Variants in HERC3 observed in about 807,000 individuals in gnomAD.
The protein encoded by HERC3 is HECT and RLD domain containing E3 ubiquitin protein ligase 3, also known as probable E3 ubiquitin-protein ligase HERC3.
In HERC3, 58 loss-of-function variants were observed where a neutral mutation model predicts 129.9. That is an observed-to-expected ratio of 0.45 (90% CI 0.36 to 0.56). HERC3 has a LOEUF of 0.56. Ranked by LOEUF, HERC3 falls within the 20% of genes least tolerant of loss-of-function variation. The pLI is 0.00. For synonymous variants in HERC3, 430 were observed against 451.0 expected (o/e 0.95, Z 0.59); for missense variants, 835 against 1,244.2 (o/e 0.67, Z 4.95).
At chr4:88,624,973 T>G (rs1725933699) in intron 3 of HERC3, among the ~76,000 whole-genome samples, 1 of 152,196 alleles carries the variant, frequency 6.6e-6, no homozygotes, top group Non-Finnish European at 1.5e-5. Context: ...CCCTGCTCCC[T>G]TGCATTATCC....
chr4:88,555,373 A>C, the HERC3 span, among the ~76,000 whole-genome samples: 1 of 152,204 alleles, frequency 6.6e-6, no homozygotes, highest in Non-Finnish European at 1.5e-5. Context: ...AATTTAATTA[A>C]CCGACAATTT....
At chr4:88,677,146 G>A (rs1388537745) in intron 18 of HERC3, among the ~76,000 whole-genome samples, 1 of 151,528 alleles carries the variant, frequency 6.6e-6, no homozygotes, top group African/African-American at 2.4e-5. Context: ...AAAAAAAAAA[G>A]AAATGTAGAA....
the HERC3 span, among the ~76,000 whole-genome samples, chr4:88,581,310 T>TTATTA: frequency 2.0e-5 from 3 of 150,642 alleles, no homozygotes; most frequent in Non-Finnish European, 4.4e-5. Flanking sequence ...TATTATTATT[T>TTATTA]TTTTTTTGAG....
intron 3 of HERC3, among the ~76,000 whole-genome samples, chr4:88,636,611 G>T (rs1273524266): frequency 6.6e-6 from 1 of 152,254 alleles, no homozygotes; most frequent in South Asian, 2.1e-4. Context: ...AGGATATTCA[G>T]GACTTGAACT....
chr4:88,667,755 G>C, intron 13 of HERC3, 137 bp from the exon 14 acceptor site: 1 of 688,136 alleles, frequency 1.5e-6, no homozygotes, highest in Admixed American at 2.7e-5. Flanking sequence ...CTAGACCAGT[G>C]TCAGGCTCAT....
chr4:88,697,908 T>G lies in HERC3; in HGVS notation c.2658-6190T>G, dbSNP rs184683057. On this transcript the variant is annotated intron_variant, in intron 23 of 25. Coordinates refer to ENST00000402738, the MANE Select transcript of HERC3 (RefSeq NM_014606.3). ...GCCCCGCCTCCTGCTTTCGCGGCAC[T>G]TGACTGGCTTCCCACTATCAGCTGA... The G allele has an allele frequency of 5.8e-4, 578 of 997,148 alleles. 4 individuals carry two copies. In the East Asian group the frequency reaches 0.013, roughly 22 times the overall value. 61.8% of individuals were successfully genotyped at this position (997,148 alleles called of 1,614,324 possible).
At chr4:88,651,705 C>A (rs1729298046) in intron 4 of HERC3, among the ~76,000 whole-genome samples, 1 of 152,192 alleles carries the variant, frequency 6.6e-6, no homozygotes, top group South Asian at 2.1e-4. Flanking sequence ...CTGCCTCAGC[C>A]TCCCGAGTAG....
chr4:88,564,077 A>G, the HERC3 span, among the ~76,000 whole-genome samples: 1,107 of 152,368 alleles, frequency 7.3e-3, 14 homozygotes, highest in African/African-American at 0.025. Flanking sequence ...TTCTGTTGAT[A>G]TAATCTATCA....
Position 88,686,775 on chromosome 4 carries a change from G to A in HERC3, c.2547G>A (p.Val849=), listed in dbSNP as rs780781153. Residue 849 remains valine, a synonymous_variant, in exon 22 of 26, where the codon GTG becomes GTA. Transcript: ENST00000402738. ...QELLDYPGED[V]EETFCLNFTI... ...TTTTAGATTACCCCGGGGAGGATGT[G>A]GAGGAGACTTTCTGCCTCAACTTCA... 2 of 1,611,872 alleles carry A rather than the reference G, an allele frequency of 1.2e-6. No homozygotes were observed. Among genetic ancestry groups the A allele is most frequent in the East Asian group, 4.5e-5 (2 of 44,848 alleles).
chr4:88,534,032 C>T, the HERC3 span, among the ~76,000 whole-genome samples: 4 of 152,112 alleles, frequency 2.6e-5, no homozygotes, highest in Non-Finnish European at 5.9e-5. Flanking sequence ...AAATATGATC[C>T]ATATCATCTG....
chr4:88,528,296 G>A, the HERC3 span: 1 of 152,782 alleles, frequency 6.5e-6, no homozygotes, highest in Admixed American at 6.6e-5. Flanking sequence ...TGCTTTTTGG[G>A]TCGCTGTCTT....
chr4:88,528,949 T>C, the HERC3 span, among the ~76,000 whole-genome samples: 1 of 152,214 alleles, frequency 6.6e-6, no homozygotes, highest in Non-Finnish European at 1.5e-5. Context: ...ATAGTAAATA[T>C]TTTAAAAATG....
chr4:88,637,840 C>A (rs562898931), intron 3 of HERC3, among the ~76,000 whole-genome samples: 27 of 151,868 alleles, frequency 1.8e-4, no homozygotes, highest in Non-Finnish European at 2.8e-4. Flanking sequence ...ATAAAATAGA[C>A]CACCAGCTAG....
At chr4:88,581,532 C>T in the HERC3 span, among the ~76,000 whole-genome samples, 1 of 151,938 alleles carries the variant, frequency 6.6e-6, no homozygotes, top group East Asian at 1.9e-4. Flanking sequence ...TCTCGAACTC[C>T]TGACCTCAGG....
Position 88,669,746 on chromosome 4 carries a change from T to C in HERC3, c.1634-114T>C, listed in dbSNP as rs80045152. Reference sequence around the variant, plus strand: ...TTTTAAAGTCAGTTTTGGGAAAATGTATTTTAGACTAATGTTTATCTTCTA... The same window carrying C: ...TTTTAAAGTCAGTTTTGGGAAAATGCATTTTAGACTAATGTTTATCTTCTA... On this transcript the variant is annotated intron_variant, in intron 14 of 25. Coordinates refer to ENST00000402738, the MANE Select transcript of HERC3 (RefSeq NM_014606.3). 8 of 825,088 alleles carry C rather than the reference T, an allele frequency of 9.7e-6. No homozygotes were observed. The African/African-American group carries it at 1.2e-4, about 12-fold the overall frequency. 51.1% of individuals were successfully genotyped at this position (825,088 alleles called of 1,614,324 possible).
the HERC3 span, among the ~76,000 whole-genome samples, chr4:88,552,227 A>G: frequency 6.6e-6 from 1 of 151,806 alleles, no homozygotes; most frequent in Admixed American, 6.6e-5. Context: ...CGGCACATGT[A>G]TACATATGTA....
the HERC3 span, among the ~76,000 whole-genome samples, chr4:88,540,205 C>T: frequency 2.8e-4 from 42 of 152,096 alleles, no homozygotes; most frequent in Non-Finnish European, 4.1e-4. Context: ...AAAGGTTAGA[C>T]GAATGGCTAA....
the HERC3 span, chr4:88,528,129 A>T: frequency 4.2e-6 from 1 of 236,216 alleles, no homozygotes; most frequent in African/African-American, 2.3e-5. Flanking sequence ...ACTGACCCCA[A>T]ACAGCCAGAT....
intron 23 of HERC3, among the ~76,000 whole-genome samples, chr4:88,695,256 T>C (rs150290366): frequency 6.6e-6 from 1 of 152,322 alleles, no homozygotes; most frequent in East Asian, 1.9e-4. Context: ...AACAATCTGT[T>C]GTGATTAGCA....
Sources: allele counts gnomAD v4.1 joint callset (sites outside exome capture counted in the v4.1 genomes callset), GRCh38; gene constraint gnomAD v4.1.1; transcripts MANE v1.5; gene names NCBI Gene and HGNC (gene_info 2026-07-23, HGNC 2026-07-21).